The following MZT2B variants were observed in gnomAD, a reference collection of about 807,000 sequenced individuals.
MZT2B encodes the protein mitotic spindle organizing protein 2B.
MZT2B carries 11 observed loss-of-function variants against 12.1 expected under a neutral mutation model. That is an observed-to-expected ratio of 0.91 (90% confidence interval 0.57 to 1.50). MZT2B has a LOEUF of 1.50. MZT2B is among the 40% of genes most tolerant of loss of function. MZT2B has a pLI of 0.00. For synonymous variants in MZT2B, 85 were observed against 109.5 expected (o/e 0.78, Z 1.40); for missense variants, 209 against 227.7 (o/e 0.92, Z 0.53).
At chr2:130,195,094 G>T (rs375882916), downstream of MZT2B, 14 of 1,613,020 alleles carry the variant, frequency 8.7e-6, no homozygotes, top group Non-Finnish European at 8.5e-7. Flanking sequence ...TGCGGATCCG[G>T]TCCAGGACTA....
intron 2 of MZT2B, chr2:130,184,957 G>T: frequency 5.5e-6 from 5 of 901,958 alleles, no homozygotes; most frequent in Non-Finnish European, 6.6e-6. Flanking sequence ...TTGAGCTCAG[G>T]AGTTCAAGAC....
In MZT2B at chr2:130,182,765, C is replaced by T. The variant is rs1404855736; in HGVS notation, c.309C>T (p.Pro103=). 1.5e-5 allele frequency: 22 copies of T among 1,502,730 alleles called. No homozygotes were observed. In the East Asian group the frequency reaches 4.4e-4, roughly 30 times the overall value. 93.1% of individuals were successfully genotyped at this position (1,502,730 alleles called of 1,614,324 possible). Residue 103 remains proline, a synonymous_variant, in exon 2 of 3, where the codon CCC becomes CCT. Transcript: ENST00000281871. ...TGTCTCTGCCCACGTCGAGCGTGCC[C>T]GAGACCCGAGGTCAGAGCTGGGCCC... ...AAVSLPTSSV[P]ETRGRNKGSA...
chr2:130,201,943 G>A, the MZT2B span, among the ~76,000 whole-genome samples: 7 of 152,132 alleles, frequency 4.6e-5, no homozygotes, highest in Admixed American at 6.5e-5. Context: ...TTATATATAT[G>A]CTGTCTGTTG....
At chr2:130,189,795 A>G (rs1211707720) in intron 2 of MZT2B, among the ~76,000 whole-genome samples, 4 of 152,184 alleles carry the variant, frequency 2.6e-5, no homozygotes, top group African/African-American at 9.6e-5. Flanking sequence ...GAAACTCTGA[A>G]CCAGTGGTCT....
upstream of MZT2B, chr2:130,182,055 C>T: frequency 1.5e-6 from 2 of 1,346,262 alleles, no homozygotes; most frequent in Non-Finnish European, 1.9e-6. Context: ...CGGACCCCTG[C>T]GGTCCGCCAT....
chr2:130,196,578 A>C, the MZT2B span, among the ~76,000 whole-genome samples: 1 of 152,260 alleles, frequency 6.6e-6, no homozygotes, highest in African/African-American at 2.4e-5. Flanking sequence ...AAGTTCTAGA[A>C]GTAGCCCTAG....
At chr2:130,182,145 C>A, upstream of MZT2B, 2 of 1,251,848 alleles carry the variant, frequency 1.6e-6, no homozygotes, top group Non-Finnish European at 2.0e-6. Context: ...GCCGCGGAGG[C>A]GGCCCCGTCC....
At chr2:130,191,656 G>A, downstream of MZT2B, 1 of 1,187,290 alleles carries the variant, frequency 8.4e-7, no homozygotes, top group Non-Finnish European at 1.2e-6. Flanking sequence ...CGCCAGCAGG[G>A]CAGGCTGGCA....
At chr2:130,199,670 T>C in the MZT2B span, among the ~76,000 whole-genome samples, 2 of 119,678 alleles carry the variant, frequency 1.7e-5, 1 homozygote, top group Non-Finnish European at 3.6e-5. Context: ...AGGCAGTTCC[T>C]AAGTTGTTTA....
chr2:130,182,113 A>C (rs1228825589), upstream of MZT2B: 17 of 1,317,582 alleles, frequency 1.3e-5, no homozygotes, highest in South Asian at 8.6e-5. Context: ...TGAGCGCCCA[A>C]TAACTGTTGG....
At chr2:130,183,493 G>A (rs1689893418) in intron 2 of MZT2B, 3 of 527,776 alleles carry the variant, frequency 5.7e-6, no homozygotes, top group Non-Finnish European at 1.0e-5. Flanking sequence ...TGGAGCCTCT[G>A]TCCCTGCTCA....
chr2:130,193,007 T>C (rs1407085141), downstream of MZT2B, among the ~76,000 whole-genome samples: 2 of 151,116 alleles, frequency 1.3e-5, no homozygotes, highest in Non-Finnish European at 2.9e-5. Context: ...GGCAGAGAAG[T>C]GCTTGAACCC....
intron 2 of MZT2B, chr2:130,184,837 A>G (rs1689997717): frequency 4.1e-6 from 4 of 985,366 alleles, no homozygotes; most frequent in African/African-American, 1.7e-5. Flanking sequence ...AAGTGAGATG[A>G]TCACACTCAG....
intron 2 of MZT2B, among the ~76,000 whole-genome samples, chr2:130,185,518 T>G (rs1431938233): frequency 1.5e-4 from 15 of 103,426 alleles, no homozygotes; most frequent in South Asian, 7.6e-4. Context: ...GCAATGGAGA[T>G]GGGAGGAGGC....
chr2:130,189,752 TTAAAGAG>T (rs968416567), intron 2 of MZT2B, among the ~76,000 whole-genome samples: 2 of 152,212 alleles, frequency 1.3e-5, no homozygotes, highest in African/African-American at 4.8e-5. Context: ...CTTGGCTATC[TTAAAGAG>T]TAAAGTAAGC....
At chr2:130,197,731 C>A in the MZT2B span, among the ~76,000 whole-genome samples, 2 of 122,852 alleles carry the variant, frequency 1.6e-5, 1 homozygote, top group Admixed American at 1.9e-4. Context: ...CTCAGCCTCC[C>A]GAGTAGCTGG....
At chr2:130,193,885 G>C, downstream of MZT2B, 1 of 1,614,206 alleles carries the variant, frequency 6.2e-7, no homozygotes, top group Non-Finnish European at 8.5e-7. Flanking sequence ...CGTCCCCCCT[G>C]TACAACATGC....
rs560806230 is a variant in MZT2B at position 130,189,929 on chromosome 2, C to A, written c.320-540C>A. On this transcript the variant is annotated intron_variant, in intron 2 of 2. Coordinates refer to ENST00000281871, the MANE Select transcript of MZT2B (RefSeq NM_025029.5). Reference sequence around the variant, plus strand: ...AGAGGCTTGACCACTGCAGAACACTCGGGTAGGTAGGAAACAATGAAAGAG... The same window carrying A: ...AGAGGCTTGACCACTGCAGAACACTAGGGTAGGTAGGAAACAATGAAAGAG... Among the ~76,000 whole-genome samples the A allele has an allele frequency of 5.9e-5, 9 of 152,276 alleles. 1 individual carries two copies. In the South Asian group the frequency reaches 1.9e-3, roughly 32 times the overall value.
chr2:130,199,409 G>C, the MZT2B span, among the ~76,000 whole-genome samples: 2 of 120,364 alleles, frequency 1.7e-5, no homozygotes, highest in South Asian at 5.9e-4. Context: ...AATTAGCAAG[G>C]CATGGTGGCA....
Sources: gnomAD v4.1 joint callset for allele counts (sites outside exome capture counted in the v4.1 genomes callset) on GRCh38, gnomAD v4.1.1 for gene constraint, MANE v1.5 for transcripts, NCBI Gene and HGNC (gene_info 2026-07-23, HGNC 2026-07-21) for gene names.